Variants in IL1RAPL2 observed in about 807,000 individuals in gnomAD.
IL1RAPL2 encodes X-linked interleukin-1 receptor accessory protein-like 2.
A neutral mutation model predicts 44.1 loss-of-function variants in IL1RAPL2; 3 were observed. That is an observed-to-expected ratio of 0.07 (90% CI 0.03 to 0.18). The LOEUF (loss-of-function observed/expected upper bound fraction) is 0.18, where lower values mean the gene tolerates loss of function less well. Ranked by LOEUF, IL1RAPL2 falls within the 10% of genes least tolerant of loss-of-function variation. IL1RAPL2 has a pLI of 1.00. For synonymous variants in IL1RAPL2, 181 were observed against 178.8 expected (o/e 1.01, Z -0.10); for missense variants, 391 against 496.4 (o/e 0.79, Z 2.02).
At chrX:104,873,535 G>A (rs1468753029) in intron 2 of IL1RAPL2, among the ~76,000 whole-genome samples, 1 of 111,679 alleles carries the variant, frequency 9.0e-6, no homozygotes, top group Non-Finnish European at 1.9e-5. Flanking sequence ...GAGGTTGACT[G>A]CAGCTCTGCT....
intron 5 of IL1RAPL2, among the ~76,000 whole-genome samples, chrX:105,340,478 A>C (rs2147699064): frequency 8.9e-6 from 1 of 112,011 alleles, no homozygotes; most frequent in South Asian, 3.7e-4. Context: ...AGTGGCCCAC[A>C]AGGCCATATA....
At chrX:105,028,910 T>G (rs1333177218) in intron 2 of IL1RAPL2, among the ~76,000 whole-genome samples, 1 of 110,637 alleles carries the variant, frequency 9.0e-6, no homozygotes, top group Non-Finnish European at 1.9e-5. Context: ...CATAAATACA[T>G]GCTCCTGGAG....
intron 2 of IL1RAPL2, among the ~76,000 whole-genome samples, chrX:104,981,083 GTGTGTGTT>G (rs2030430247): frequency 9.2e-6 from 1 of 108,381 alleles, no homozygotes; most frequent in African/African-American, 3.4e-5. Context: ...GTGTGTGTGT[GTGTGTGTT>G]TGTGTGTGTG....
chrX:104,660,582 A>AATATATATATATATAAAATATATAAATAT (rs3055132), intron 2 of IL1RAPL2, among the ~76,000 whole-genome samples: 15 of 97,445 alleles, frequency 1.5e-4, no homozygotes, highest in African/African-American at 5.3e-4. Flanking sequence ...AAAATATATA[A>AATATATATATATATAAAATATATAAATAT]ATATATATAT....
At chrX:104,629,155 G>A (rs367670322) in intron 1 of IL1RAPL2, among the ~76,000 whole-genome samples, 4 of 112,074 alleles carry the variant, frequency 3.6e-5, no homozygotes, top group African/African-American at 1.3e-4. Flanking sequence ...ACTCTTAGGA[G>A]GGGAGTGGTT....
chrX:105,169,407 A>AAT (rs1470864235), intron 2 of IL1RAPL2, among the ~76,000 whole-genome samples: 3 of 108,768 alleles, frequency 2.8e-5, no homozygotes, highest in African/African-American at 6.7e-5. Flanking sequence ...GAAAAAAAAA[A>AAT]ACAACCATGA....
At position 104,613,344 on chromosome X, in the gene IL1RAPL2, G is replaced by A. The variant is rs1031030594; in HGVS notation, c.-19-45551G>A. Among the ~76,000 whole-genome samples the A allele has an allele frequency of 7.2e-5, 8 of 111,518 alleles. No homozygotes were observed. In the East Asian group the frequency reaches 1.4e-3, roughly 20 times the overall value. The stretch of plus-strand genomic sequence containing the variant: ...TTATTTTGAGGTATGTTCCTTTGGT[G>A]CCTAGTTATTGAGGGTTTTTAACAT... On this transcript the variant is annotated intron_variant, in intron 1 of 10. Transcript: ENST00000372582.
At chrX:105,184,136 A>G (rs984690048) in intron 2 of IL1RAPL2, among the ~76,000 whole-genome samples, 1 of 111,781 alleles carries the variant, frequency 8.9e-6, no homozygotes, top group African/African-American at 3.3e-5. Flanking sequence ...CTTCCAGCCT[A>G]TCCTAGCCAA....
At chrX:105,722,927 T>C (rs2038318624) in intron 7 of IL1RAPL2, among the ~76,000 whole-genome samples, 1 of 110,970 alleles carries the variant, frequency 9.0e-6, no homozygotes, top group African/African-American at 3.3e-5. Context: ...TCTATACTAA[T>C]CTTATCAAAC....
chrX:104,816,695 A>G (rs1311415937), intron 2 of IL1RAPL2, among the ~76,000 whole-genome samples: 6 of 112,276 alleles, frequency 5.3e-5, no homozygotes, highest in Non-Finnish European at 1.1e-4. Context: ...AAGAGGAGGT[A>G]TAGCCCAATG....
chrX:104,702,327 G>T (rs974124277), intron 2 of IL1RAPL2, among the ~76,000 whole-genome samples: 2 of 111,864 alleles, frequency 1.8e-5, no homozygotes, highest in African/African-American at 6.5e-5. Context: ...TGCCCTTAAA[G>T]AATAGAAACA....
chrX:104,945,306 A>G (rs1452815399), intron 2 of IL1RAPL2, among the ~76,000 whole-genome samples: 4 of 111,148 alleles, frequency 3.6e-5, no homozygotes, highest in Non-Finnish European at 5.7e-5. Context: ...ACTATTTAAC[A>G]TAATAATGTA....
At chrX:105,116,232 A>AGCAAGGGCT (rs1268913350) in intron 2 of IL1RAPL2, among the ~76,000 whole-genome samples, 1 of 112,581 alleles carries the variant, frequency 8.9e-6, no homozygotes, top group Non-Finnish European at 1.9e-5. Context: ...ACCGAGAGTG[A>AGCAAGGGCT]GCAAGGGCTG....
chrX:104,690,525 T>C (rs888759899), intron 2 of IL1RAPL2, among the ~76,000 whole-genome samples: 1 of 112,475 alleles, frequency 8.9e-6, no homozygotes, highest in Non-Finnish European at 1.9e-5. Flanking sequence ...TGGTAATGCA[T>C]AGGTAATTTG....
chrX:105,235,298 C>T (rs187739494), intron 4 of IL1RAPL2, among the ~76,000 whole-genome samples: 1 of 111,952 alleles, frequency 8.9e-6, no homozygotes, highest in East Asian at 2.8e-4. Context: ...TGTAACAGAA[C>T]TAAGTCAACT....
At chrX:105,082,281 C>T (rs1043930641) in intron 2 of IL1RAPL2, among the ~76,000 whole-genome samples, 2 of 111,911 alleles carry the variant, frequency 1.8e-5, no homozygotes, top group African/African-American at 6.5e-5. Context: ...TCATAGTATT[C>T]TCTGATGGTA....
intron 4 of IL1RAPL2, among the ~76,000 whole-genome samples, chrX:105,237,312 C>T: frequency 8.9e-6 from 1 of 111,928 alleles, no homozygotes; most frequent in Non-Finnish European, 1.9e-5. Context: ...ATACGGTGTG[C>T]ATGTGTCTTT....
chrX:105,551,102 T>A (rs2147802758), intron 6 of IL1RAPL2, among the ~76,000 whole-genome samples: 1 of 110,561 alleles, frequency 9.0e-6, no homozygotes, highest in Admixed American at 9.7e-5. Flanking sequence ...TCTATAATAA[T>A]TTTTCTCCTG....
intron 6 of IL1RAPL2, among the ~76,000 whole-genome samples, chrX:105,662,863 C>T (rs1031324042): frequency 8.9e-6 from 1 of 112,075 alleles, no homozygotes; most frequent in African/African-American, 3.2e-5. Context: ...AGATACTGAA[C>T]AGAACCAGCT....
Sources: gnomAD v4.1 joint callset for allele counts (sites outside exome capture counted in the v4.1 genomes callset) on GRCh38, gnomAD v4.1.1 for gene constraint, MANE v1.5 for transcripts, NCBI Gene and HGNC (gene_info 2026-07-23, HGNC 2026-07-21) for gene names.